The following ATP8B4 variants were observed in gnomAD, a reference collection of about 807,000 sequenced individuals.
ATP8B4 encodes probable phospholipid-transporting ATPase IM.
Under a neutral mutation model 145.6 loss-of-function variants are expected in ATP8B4, and 133 were observed. The observed-to-expected ratio is 0.91, with a 90% confidence interval of 0.79 to 1.05. The LOEUF (loss-of-function observed/expected upper bound fraction) is 1.05, where lower values mean the gene tolerates loss of function less well. ATP8B4 is among the 50% of genes least tolerant of loss of function. The pLI is 0.00. For missense variants in ATP8B4, 1,458 were observed against 1,425.2 expected, an observed-to-expected ratio of 1.02 and a Z score of -0.37; for synonymous variants, 507 against 492.9, an observed-to-expected ratio of 1.03 and a Z score of -0.38.
chr15:49,994,412 A>C (rs8028405), intron 9 of ATP8B4, among the ~76,000 whole-genome samples: 4 of 151,956 alleles, frequency 2.6e-5, no homozygotes, highest in Non-Finnish European at 5.9e-5. Context: ...CGGCCCCCCA[A>C]TGGGATTTGT....
At chr15:50,053,829 T>C (rs2052373659) in intron 3 of ATP8B4, among the ~76,000 whole-genome samples, 1 of 152,212 alleles carries the variant, frequency 6.6e-6, no homozygotes, top group Non-Finnish European at 1.5e-5. Context: ...TATTATTTTT[T>C]CTAGAGATCC....
chr15:49,863,449 T>A (rs2032213734), intron 26 of ATP8B4, among the ~76,000 whole-genome samples: 1 of 152,206 alleles, frequency 6.6e-6, no homozygotes, highest in South Asian at 2.1e-4. Flanking sequence ...CATGGGAAGA[T>A]GCCAACCCTG....
At chr15:50,098,352 C>T (rs2056127984) in intron 2 of ATP8B4, among the ~76,000 whole-genome samples, 1 of 130,780 alleles carries the variant, frequency 7.6e-6, no homozygotes, top group Non-Finnish European at 1.6e-5. Flanking sequence ...AGTACAATGG[C>T]ACAATCATAG....
chr15:49,900,404 A>C (rs1280942457), intron 21 of ATP8B4, among the ~76,000 whole-genome samples: 1 of 152,218 alleles, frequency 6.6e-6, no homozygotes, highest in Non-Finnish European at 1.5e-5. Context: ...AGCCAGAGAA[A>C]GATGTGAGAT....
intron 14 of ATP8B4, among the ~76,000 whole-genome samples, chr15:49,959,587 G>C (rs1358124968): frequency 6.6e-6 from 1 of 151,900 alleles, no homozygotes; most frequent in Non-Finnish European, 1.5e-5. Context: ...AAGACTAGAA[G>C]TTACTATAAA....
chr15:49,951,819 A>T (rs923656103), intron 14 of ATP8B4, among the ~76,000 whole-genome samples: 1 of 152,116 alleles, frequency 6.6e-6, no homozygotes, highest in East Asian at 1.9e-4. Context: ...GTATTTTTTC[A>T]GTGGCTGGTA....
chr15:50,059,434 A>G (rs2052844239), intron 3 of ATP8B4, among the ~76,000 whole-genome samples: 1 of 152,208 alleles, frequency 6.6e-6, no homozygotes, highest in South Asian at 2.1e-4. Context: ...GATCCACCAG[A>G]GCATCACTAG....
intron 14 of ATP8B4, among the ~76,000 whole-genome samples, chr15:49,958,980 AAATATAACATTG>A: frequency 6.6e-6 from 1 of 152,052 alleles, no homozygotes; most frequent in Non-Finnish European, 1.5e-5. Context: ...TTTCTAAAGC[AAATATAACATTG>A]GTAGCAAAAC....
chr15:50,059,598 A>C (rs1395655389), intron 3 of ATP8B4, among the ~76,000 whole-genome samples: 1 of 151,998 alleles, frequency 6.6e-6, no homozygotes. Flanking sequence ...CCACCATCTC[A>C]TTTCACTGCC....
At chr15:50,091,490 A>C (rs576665332) in intron 2 of ATP8B4, among the ~76,000 whole-genome samples, 31 of 152,292 alleles carry the variant, frequency 2.0e-4, no homozygotes, top group African/African-American at 7.5e-4. Context: ...AGAAACGTAG[A>C]GTTAGAAAAA....
intron 14 of ATP8B4, among the ~76,000 whole-genome samples, chr15:49,941,263 A>C (rs1458818924): frequency 6.6e-6 from 1 of 152,186 alleles, no homozygotes; most frequent in Non-Finnish European, 1.5e-5. Context: ...ATCAACTGTC[A>C]AGAGGAGGTT....
intron 25 of ATP8B4, 54 bp from the exon 26 acceptor site, chr15:49,866,538 A>G: frequency 6.3e-7 from 1 of 1,589,740 alleles, no homozygotes; most frequent in Non-Finnish European, 8.6e-7. Flanking sequence ...AAACAGCATC[A>G]TTTTACCTCG....
At chr15:50,082,327 C>T (rs1010084733) in intron 2 of ATP8B4, among the ~76,000 whole-genome samples, 1 of 152,044 alleles carries the variant, frequency 6.6e-6, no homozygotes, top group Non-Finnish European at 1.5e-5. Flanking sequence ...TGACCTGCGG[C>T]TTCTGGAACT....
At chr15:49,981,181 G>T (rs755778327) in intron 11 of ATP8B4, 25 bp downstream of exon 11, 7 of 1,469,640 alleles carry the variant, frequency 4.8e-6, no homozygotes, top group Non-Finnish European at 6.6e-6. Context: ...AATGACTAGT[G>T]ATATTGCCTA....
intron 1 of ATP8B4, among the ~76,000 whole-genome samples, chr15:50,107,276 T>C (rs1017771905): frequency 6.6e-6 from 1 of 152,224 alleles, no homozygotes; most frequent in African/African-American, 2.4e-5. Context: ...TTGAATCAAA[T>C]ATATCTCAAA....
chr15:50,158,689 G>C (rs1351832372), intron 1 of ATP8B4, among the ~76,000 whole-genome samples: 1 of 152,256 alleles, frequency 6.6e-6, no homozygotes, highest in Non-Finnish European at 1.5e-5. Context: ...AAAAGATTGA[G>C]AAATCGGATG....
chr15:49,990,620 G>T (rs550875703), intron 9 of ATP8B4, among the ~76,000 whole-genome samples: 2 of 152,114 alleles, frequency 1.3e-5, no homozygotes, highest in South Asian at 4.1e-4. Flanking sequence ...CAGCTGGATC[G>T]TTGGTTAATT....
intron 23 of ATP8B4, 112 bp from the exon 24 acceptor site, chr15:49,879,571 A>G (rs941882608): frequency 2.3e-6 from 2 of 852,904 alleles, no homozygotes; most frequent in Non-Finnish European, 1.8e-6. Context: ...GACTTTTGGA[A>G]TCAGACAAAT....
intron 21 of ATP8B4, among the ~76,000 whole-genome samples, chr15:49,899,428 A>G (rs536585621): frequency 8.5e-5 from 13 of 152,148 alleles, no homozygotes; most frequent in Non-Finnish European, 1.9e-4. Context: ...AGACTTTAGC[A>G]CTGTGACCGG....
Sources: allele counts gnomAD v4.1 joint callset (sites outside exome capture counted in the v4.1 genomes callset), GRCh38; gene constraint gnomAD v4.1.1; transcripts MANE v1.5; gene names NCBI Gene and HGNC (gene_info 2026-07-23, HGNC 2026-07-21).